The following SDCCAG8 variants were observed in gnomAD, a reference collection of about 807,000 sequenced individuals.
The protein encoded by SDCCAG8 is serologically defined colon cancer antigen 8.
Under a neutral mutation model 101.8 loss-of-function variants are expected in SDCCAG8, and 74 were observed. The ratio of observed to expected loss-of-function variants is 0.73; its 90% CI spans 0.60 to 0.88. The LOEUF (loss-of-function observed/expected upper bound fraction) is 0.88, where lower values mean the gene tolerates loss of function less well. Among genes scored for constraint, SDCCAG8 ranks in the 40% least tolerant of loss-of-function variants. The pLI, the probability that SDCCAG8 is intolerant of heterozygous loss-of-function variation, is 0.00. For missense variants in SDCCAG8, 787 were observed against 822.6 expected, an observed-to-expected ratio of 0.96 and a Z score of 0.53; for synonymous variants, 281 against 292.9, an observed-to-expected ratio of 0.96 and a Z score of 0.41.
intron 16 of SDCCAG8, among the ~76,000 whole-genome samples, chr1:243,467,396 G>C (rs2148179265): frequency 6.6e-6 from 1 of 152,294 alleles, no homozygotes; most frequent in East Asian, 1.9e-4. Context: ...ACCAGTGAGG[G>C]AGTGAACAGA....
chr1:243,375,068 A>T lies in SDCCAG8; in HGVS notation c.1474-3653A>T, dbSNP rs562695280. Among the ~76,000 whole-genome samples, 4 of 152,282 alleles carry T rather than the reference A, an allele frequency of 2.6e-5. No homozygotes were observed. The East Asian group carries it at 7.7e-4, about 29-fold the overall frequency. On this transcript the variant is annotated intron_variant, in intron 12 of 17. Coordinates refer to ENST00000366541, the MANE Select transcript of SDCCAG8 (RefSeq NM_006642.5). ...AGTGAGCAAATTTTTCATAATCATTATAATGTAAATGAACTACTGACTAAT... is the reference window on the plus strand; with the variant it reads ...AGTGAGCAAATTTTTCATAATCATTTTAATGTAAATGAACTACTGACTAAT...
In SDCCAG8 at chr1:243,298,164, T is replaced by A. The variant is rs1163677793; in HGVS notation, c.675+4945T>A. Among the ~76,000 whole-genome samples, 3 of 150,388 alleles carry A rather than the reference T, an allele frequency of 2.0e-5. No homozygotes were observed. The South Asian group carries it at 6.3e-4, about 32-fold the overall frequency. On this transcript the variant is annotated intron_variant, in intron 6 of 17. Coordinates refer to ENST00000366541, the MANE Select transcript of SDCCAG8 (RefSeq NM_006642.5). ...CCCTGGTTCAGGCAATTCCTCAGTC[T>A]CAACCTCCCAAGTAGCTGGGATTAC...
At chr1:243,472,007 T>A (rs2148193537) in intron 16 of SDCCAG8, among the ~76,000 whole-genome samples, 1 of 152,372 alleles carries the variant, frequency 6.6e-6, no homozygotes, top group African/African-American at 2.4e-5. Context: ...TTTGGGAGGC[T>A]GGAGGCGGGA....
At chr1:243,450,686 C>G (rs1028233733) in intron 16 of SDCCAG8, among the ~76,000 whole-genome samples, 2 of 152,158 alleles carry the variant, frequency 1.3e-5, no homozygotes, top group African/African-American at 4.8e-5. Context: ...GAGACAGAGT[C>G]TTGCTCTGTT....
intron 6 of SDCCAG8, among the ~76,000 whole-genome samples, chr1:243,294,482 G>GGAGAGAGAGAGAGAGAGAAAGAGCGA (rs2070611416): frequency 1.0e-5 from 1 of 99,954 alleles, no homozygotes; most frequent in African/African-American, 4.5e-5. Flanking sequence ...GTGGGGGGGG[G>GGAGAGAGAGAGAGAGAGAAAGAGCGA]GAGAGAGAGA....
intron 8 of SDCCAG8, 39 bp from the exon 9 acceptor site, chr1:243,316,716 G>C: frequency 6.2e-7 from 1 of 1,613,344 alleles, no homozygotes; most frequent in Non-Finnish European, 8.5e-7. Context: ...AGGATCGTTT[G>C]ATCATTTCTT....
chr1:243,426,556 A>G lies in SDCCAG8; in HGVS notation c.1983A>G (p.Gln661=). The G allele has an allele frequency of 6.2e-7, 1 of 1,614,008 alleles. No individual in the cohort carries two copies. Among genetic ancestry groups the G allele is most frequent in the South Asian group, 1.1e-5 (1 of 91,084 alleles). Residue 661 remains glutamine, a splice_region_variant and synonymous_variant, in exon 16 of 18, where the codon CAA becomes CAG. Coordinates refer to ENST00000366541, the MANE Select transcript of SDCCAG8 (RefSeq NM_006642.5). ...GGAGAGTACATGAGACGATGAAGCAAAGGTAATCAAGGTTTCATGTCAACT... is the reference window on the plus strand; with the variant it reads ...GGAGAGTACATGAGACGATGAAGCAGAGGTAATCAAGGTTTCATGTCAACT... ...QHGRVHETMK[Q]RLRQLDKHSQ...
chr1:243,484,218 G>C (rs983390883), intron 16 of SDCCAG8, among the ~76,000 whole-genome samples: 1 of 152,252 alleles, frequency 6.6e-6, no homozygotes, highest in African/African-American at 2.4e-5. Context: ...TGGCTACAGA[G>C]TCCAGCGTCG....
chr1:243,258,953 TGGTCTTTCCTCACC>T (rs141386970), intron 1 of SDCCAG8, among the ~76,000 whole-genome samples: 4,814 of 152,328 alleles, frequency 0.032, 114 homozygotes, highest in Non-Finnish European at 0.046. Context: ...TAAACAGTCT[TGGTCTTTCCTCACC>T]GGTTTTTCCT....
chr1:243,435,639 A>C (rs755125050), intron 16 of SDCCAG8, among the ~76,000 whole-genome samples: 17 of 152,186 alleles, frequency 1.1e-4, no homozygotes, highest in Non-Finnish European at 2.2e-4. Flanking sequence ...TTCTAAGGCA[A>C]AATGCCTTTT....
At chr1:243,294,750 A>G (rs932855036) in intron 6 of SDCCAG8, among the ~76,000 whole-genome samples, 11 of 148,146 alleles carry the variant, frequency 7.4e-5, no homozygotes, top group African/African-American at 2.8e-4. Flanking sequence ...AAGCGTCAAA[A>G]ACAATTCTAT....
intron 6 of SDCCAG8, among the ~76,000 whole-genome samples, chr1:243,302,837 A>G (rs944958540): frequency 2.0e-5 from 3 of 152,116 alleles, no homozygotes; most frequent in Non-Finnish European, 4.4e-5. Flanking sequence ...TTTCAACACA[A>G]TGGAAGAGAA....
chr1:243,439,198 G>C (rs1322689554), intron 16 of SDCCAG8, among the ~76,000 whole-genome samples: 1 of 151,900 alleles, frequency 6.6e-6, no homozygotes, highest in Non-Finnish European at 1.5e-5. Context: ...CTGTCACCCA[G>C]GCTGGGGTGC....
chr1:243,499,945 G>A lies in SDCCAG8; in HGVS notation c.*160G>A, dbSNP rs1360036631. 23 of 696,262 alleles carry A rather than the reference G, an allele frequency of 3.3e-5. No homozygotes were observed. Among genetic ancestry groups the A allele is most frequent in the South Asian group, 1.9e-4 (12 of 64,000 alleles). The allele number at this position is 696,262 out of a possible 1,614,324, so 43.1% of individuals were successfully genotyped here. On this transcript the variant is annotated 3_prime_UTR_variant, in exon 18 of 18. Transcript: ENST00000366541. ...ATCAACGCGGGCGCTGTCCCCGCAC[G>A]CAGTCGGGCTGGAGCTGGAGTCTGA...
chr1:243,368,567 C>G (rs1486181607), intron 12 of SDCCAG8, among the ~76,000 whole-genome samples: 1 of 152,098 alleles, frequency 6.6e-6, no homozygotes, highest in Non-Finnish European at 1.5e-5. Context: ...CAGCTCTGAA[C>G]AAAACATAGA....
chr1:243,346,911 G>T (rs562176253), intron 12 of SDCCAG8, among the ~76,000 whole-genome samples: 1 of 152,062 alleles, frequency 6.6e-6, no homozygotes, highest in East Asian at 1.9e-4. Flanking sequence ...CATGTATGAG[G>T]GTATAGGGAA....
chr1:243,303,929 C>T (rs774128992), intron 6 of SDCCAG8, among the ~76,000 whole-genome samples: 28 of 152,128 alleles, frequency 1.8e-4, no homozygotes, highest in Non-Finnish European at 3.4e-4. Flanking sequence ...AAAAATTAGC[C>T]GGGCGTGGTG....
chr1:243,317,228 T>G (rs977564854), intron 9 of SDCCAG8, among the ~76,000 whole-genome samples: 1 of 152,260 alleles, frequency 6.6e-6, no homozygotes, highest in Non-Finnish European at 1.5e-5. Context: ...TGTTCGTATA[T>G]GACTAAAGAC....
chr1:243,328,923 T>C (rs1281093535), intron 9 of SDCCAG8, among the ~76,000 whole-genome samples: 1 of 152,210 alleles, frequency 6.6e-6, no homozygotes, highest in Non-Finnish European at 1.5e-5. Flanking sequence ...ACTCCTGAGT[T>C]TTTGTTCAGT....
Sources: gnomAD v4.1 joint callset for allele counts (sites outside exome capture counted in the v4.1 genomes callset) on GRCh38, gnomAD v4.1.1 for gene constraint, MANE v1.5 for transcripts, NCBI Gene and HGNC (gene_info 2026-07-23, HGNC 2026-07-21) for gene names.